Variants in RPS6KA2 observed in about 807,000 individuals in gnomAD.
RPS6KA2 encodes ribosomal protein S6 kinase A2.
RPS6KA2 carries 42 observed loss-of-function variants against 91.8 expected under a neutral mutation model. That is an observed-to-expected ratio of 0.46 (90% CI 0.36 to 0.59). RPS6KA2 has a LOEUF of 0.59. RPS6KA2 is among the 20% of genes least tolerant of loss of function. RPS6KA2 has a pLI of 0.00. For synonymous variants in RPS6KA2, 414 were observed against 393.6 expected (o/e 1.05, Z -0.61); for missense variants, 798 against 978.5 (o/e 0.82, Z 2.46).
At chr6:166,823,067 C>G (rs981614992) in intron 2 of RPS6KA2, among the ~76,000 whole-genome samples, 2 of 152,206 alleles carry the variant, frequency 1.3e-5, no homozygotes, top group African/African-American at 4.8e-5. Flanking sequence ...ATCCAAAGGG[C>G]AGACGACCCC....
At chr6:166,621,356 G>C (rs995115851) in intron 1 of RPS6KA2, among the ~76,000 whole-genome samples, 1 of 152,190 alleles carries the variant, frequency 6.6e-6, no homozygotes, top group Non-Finnish European at 1.5e-5. Context: ...TTTTCCCCTA[G>C]CTAAGCAGTT....
chr6:166,692,468 C>A (rs1423180208), intron 2 of RPS6KA2, among the ~76,000 whole-genome samples: 1 of 152,076 alleles, frequency 6.6e-6, no homozygotes, highest in Non-Finnish European at 1.5e-5. Flanking sequence ...TAACACTGGA[C>A]AGAGAGCAGA....
Position 166,609,617 on chromosome 6 carries a change from G to A in RPS6KA2, c.99+17304C>T, listed in dbSNP as rs141424748. Among the ~76,000 whole-genome samples the A allele has an allele frequency of 2.7e-3, 401 of 150,666 alleles. 3 individuals carry two copies. Among genetic ancestry groups the A allele is most frequent in the African/African-American group, 9.3e-3 (381 of 40,956 alleles). On this transcript the variant is annotated intron_variant, in intron 1 of 20. Coordinates refer to ENST00000265678, the MANE Select transcript of RPS6KA2 (RefSeq NM_021135.6). Reference sequence around the variant, plus strand: ...TGGGTTCAAGCAATTCTCCTGACTCGGCCTCCTGAGTAGCTGGGATTACAG... The same window carrying A: ...TGGGTTCAAGCAATTCTCCTGACTCAGCCTCCTGAGTAGCTGGGATTACAG...
chr6:166,513,301 C>T lies in RPS6KA2; in HGVS notation c.299-2944G>A, dbSNP rs543346695. Among the ~76,000 whole-genome samples, 3 of 152,260 alleles carry T rather than the reference C, an allele frequency of 2.0e-5. No homozygotes were observed. In the South Asian group the frequency reaches 6.2e-4, roughly 32 times the overall value. ...TCCCCTAAACCTCAGCACCTCCTTCCCCAGTGGTCCTCGCAGTTCCTAATC... is the reference window on the plus strand; with the variant it reads ...TCCCCTAAACCTCAGCACCTCCTTCTCCAGTGGTCCTCGCAGTTCCTAATC... On this transcript the variant is annotated intron_variant, in intron 3 of 20. Coordinates refer to ENST00000265678, the MANE Select transcript of RPS6KA2 (RefSeq NM_021135.6).
chr6:166,584,948 C>T (rs549931001), intron 1 of RPS6KA2, among the ~76,000 whole-genome samples: 105 of 152,180 alleles, frequency 6.9e-4, no homozygotes, highest in Non-Finnish European at 1.4e-3. Flanking sequence ...GGGGGTGGCA[C>T]ATTGGTGTGT....
chr6:166,677,336 T>C (rs952293801), intron 2 of RPS6KA2, among the ~76,000 whole-genome samples: 10 of 151,516 alleles, frequency 6.6e-5, no homozygotes, highest in African/African-American at 1.7e-4. Flanking sequence ...ACTGTGTAGT[T>C]AAAAATAAGA....
rs1778803014 is a variant in RPS6KA2, at chr6:166,423,478, C to A, written c.1582-61G>T. ...TGAGGACTGAGCAGGAGAGGGAGGG[C>A]AGGTGCATTTGGAGGGGAGGGTGCA... On this transcript the variant is annotated intron_variant, in intron 16 of 20. Transcript: ENST00000265678. The surrounding 1 kb of genome is among the most constrained non-coding windows in gnomAD (Gnocchi z 4.8). 6 of 1,515,882 alleles carry A rather than the reference C, an allele frequency of 4.0e-6. No individual in the cohort carries two copies. In the African/African-American group the frequency reaches 5.5e-5, roughly 14 times the overall value. 93.9% of individuals were successfully genotyped at this position (1,515,882 alleles called of 1,614,324 possible).
chr6:166,805,859 AAAGG>A (rs1303286372), intron 2 of RPS6KA2, among the ~76,000 whole-genome samples: 2 of 146,580 alleles, frequency 1.4e-5, no homozygotes, highest in African/African-American at 5.5e-5. Context: ...TTGAAGAACT[AAAGG>A]AAGACATGGA....
chr6:166,828,376 C>T (rs1476284588), intron 2 of RPS6KA2, among the ~76,000 whole-genome samples: 1 of 152,228 alleles, frequency 6.6e-6, no homozygotes. Context: ...GCAAGACTGC[C>T]ACGCCAGTCC....
intron 2 of RPS6KA2, among the ~76,000 whole-genome samples, chr6:166,833,252 G>T (rs187065209): frequency 6.6e-6 from 1 of 152,294 alleles, no homozygotes; most frequent in East Asian, 1.9e-4. Context: ...ACAAAGGAAG[G>T]CATCAGGAAC....
intron 1 of RPS6KA2, among the ~76,000 whole-genome samples, chr6:166,616,271 C>A (rs1476891571): frequency 1.3e-5 from 2 of 152,212 alleles, no homozygotes; most frequent in Non-Finnish European, 2.9e-5. Flanking sequence ...TTGCCAAAGT[C>A]ATATGAGTGC....
rs565213148 is a variant in RPS6KA2 at position 166,673,283 on chromosome 6, C to T, written c.124-134499G>A. 1.5e-3 allele frequency among the ~76,000 whole-genome samples: 226 copies of T among 152,282 alleles called. 3 individuals carry two copies. Among genetic ancestry groups the T allele is most frequent in the African/African-American group, 5.1e-3 (211 of 41,556 alleles). On this transcript the variant is annotated intron_variant, in intron 2 of 21. Transcript: ENST00000503859. ...GTGCAGGCTGCGGCTCTAGGGATCTCTGTGCTGTGGAGGGTCTTGGGAAGC... is the reference window on the plus strand; with the variant it reads ...GTGCAGGCTGCGGCTCTAGGGATCTTTGTGCTGTGGAGGGTCTTGGGAAGC...
chr6:166,722,851 A>G (rs946458636), intron 2 of RPS6KA2, among the ~76,000 whole-genome samples: 13 of 152,106 alleles, frequency 8.5e-5, no homozygotes, highest in Middle Eastern at 6.3e-3. Context: ...TTTTCAGCCC[A>G]TTCCTCTCTG....
rs2128477917 is a variant in RPS6KA2, at chr6:166,500,154, GC to G, written c.604+732del. ...CTAAGCAAGGGAGTCTCCTCTAGAG[GC>G]CCCCAAAAGGCAGGCAGCCCTGCTG... On this transcript the variant is annotated intron_variant, in intron 7 of 20. Transcript: ENST00000265678. The surrounding 1 kb of genome is among the most constrained non-coding windows in gnomAD (Gnocchi z 4.3). Among the ~76,000 whole-genome samples the G allele has an allele frequency of 1.3e-5, 2 of 152,336 alleles. 1 individual carries two copies. Among genetic ancestry groups the G allele is most frequent in the South Asian group, 4.1e-4 (2 of 4,826 alleles).
chr6:166,438,494 G>T (rs757377997), intron 14 of RPS6KA2, among the ~76,000 whole-genome samples: 2 of 152,216 alleles, frequency 1.3e-5, no homozygotes, highest in Non-Finnish European at 2.9e-5. Flanking sequence ...ATCAGATTCT[G>T]TTGCTAAAGC....
At chr6:166,483,727 C>T (rs958801561) in intron 10 of RPS6KA2, among the ~76,000 whole-genome samples, 8 of 152,176 alleles carry the variant, frequency 5.3e-5, no homozygotes, top group African/African-American at 1.4e-4. Context: ...CAGGCCTCTG[C>T]GACAGCTGCA....
intron 13 of RPS6KA2, among the ~76,000 whole-genome samples, chr6:166,450,510 C>G (rs1338971267): frequency 1.3e-5 from 2 of 149,742 alleles, no homozygotes; most frequent in Admixed American, 6.6e-5. Flanking sequence ...CCATGGGGAC[C>G]ACCAGAGGGA....
At position 166,459,326 on chromosome 6, in the gene RPS6KA2, G is replaced by T. The variant is rs1021964796; in HGVS notation, c.1075+123C>A. On this transcript the variant is annotated intron_variant, in intron 12 of 20. Transcript: ENST00000265678. This position sits in a 1 kb window ranked among gnomAD's most constrained non-coding sequence, Gnocchi z 4.9. ...AAAACAACAACAAAAAACCCAAACAGAATGGACAGTTATTTTCCATGAAAA... is the reference window on the plus strand; with the variant it reads ...AAAACAACAACAAAAAACCCAAACATAATGGACAGTTATTTTCCATGAAAA... The T allele has an allele frequency of 3.1e-6, 2 of 643,680 alleles. No homozygotes were observed. Among genetic ancestry groups the T allele is most frequent in the East Asian group, 2.8e-5 (1 of 35,970 alleles). The allele number at this position is 643,680 out of a possible 1,614,324, so 39.9% of individuals were successfully genotyped here. A position where few individuals can be genotyped will look rare whatever the true frequency, so the allele number is the denominator to read the frequency against.
In RPS6KA2 at chr6:166,548,078, G is replaced by A. The variant is rs542914496; in HGVS notation, c.100-9294C>T. ...ATCTATCCACCAAATGAAAGTTTAC[G>A]TAGGCTTTCAGAGTGATTGCGCTTT... On this transcript the variant is annotated intron_variant, in intron 1 of 20. Coordinates refer to ENST00000265678, the MANE Select transcript of RPS6KA2 (RefSeq NM_021135.6). Among the ~76,000 whole-genome samples, 66 of 152,344 alleles carry A rather than the reference G, an allele frequency of 4.3e-4. 1 individual carries two copies. The South Asian group carries it at 0.012, about 28-fold the overall frequency.
Sources: allele counts gnomAD v4.1 joint callset (sites outside exome capture counted in the v4.1 genomes callset), GRCh38; gene constraint gnomAD v4.1.1; non-coding constraint Gnocchi (gnomAD v3.1); transcripts MANE v1.5; gene names NCBI Gene and HGNC (gene_info 2026-07-23, HGNC 2026-07-21).